GPR176: variants seen among roughly 807,000 people sequenced by gnomAD.
GPR176 encodes G protein-coupled receptor 176.
In GPR176, 26 loss-of-function variants were observed where a neutral mutation model predicts 35.4. The ratio of observed to expected loss-of-function variants is 0.74; its 90% CI spans 0.54 to 1.02. The LOEUF is 1.02. Ranked by LOEUF, GPR176 falls within the 50% of genes least tolerant of loss-of-function variation. The pLI, the probability that GPR176 is intolerant of heterozygous loss-of-function variation, is 0.00. For missense variants in GPR176, 597 were observed against 665.3 expected, an observed-to-expected ratio of 0.90 and a Z score of 1.13; for synonymous variants, 278 against 271.3, an observed-to-expected ratio of 1.02 and a Z score of -0.24.
intron 1 of GPR176, among the ~76,000 whole-genome samples, chr15:39,809,533 TAACA>T (rs1474140304): frequency 8.5e-5 from 13 of 152,206 alleles, no homozygotes; most frequent in African/African-American, 3.1e-4. Flanking sequence ...TATATTTAAG[TAACA>T]AAATTTTCAA....
At chr15:39,822,067 G>T (rs1900310059) in intron 1 of GPR176, among the ~76,000 whole-genome samples, 1 of 152,208 alleles carries the variant, frequency 6.6e-6, no homozygotes, top group Admixed American at 6.5e-5. Flanking sequence ...CTATGAAGAG[G>T]CTCATGTGGT....
intron 1 of GPR176, among the ~76,000 whole-genome samples, chr15:39,867,682 A>G (rs966746870): frequency 2.0e-5 from 3 of 152,160 alleles, no homozygotes; most frequent in South Asian, 2.1e-4. Flanking sequence ...TCTCCCCAAG[A>G]CGTGAGTAAA....
At chr15:39,858,911 T>C (rs2140822632) in intron 1 of GPR176, among the ~76,000 whole-genome samples, 1 of 152,166 alleles carries the variant, frequency 6.6e-6, no homozygotes, top group East Asian at 1.9e-4. Flanking sequence ...CATGACCAGC[T>C]AATTTTTATA....
At chr15:39,909,788 T>C in intron 1 of GPR176, 1 of 281,924 alleles carries the variant, frequency 3.5e-6, no homozygotes, top group Non-Finnish European at 5.4e-6. Flanking sequence ...TTTGAGGTTA[T>C]AACACTCATG....
At chr15:39,850,498 C>G (rs1427447171) in intron 1 of GPR176, among the ~76,000 whole-genome samples, 1 of 152,130 alleles carries the variant, frequency 6.6e-6, no homozygotes, top group Non-Finnish European at 1.5e-5. Context: ...ATATAACATT[C>G]TTGCAAAGAC....
At chr15:39,918,710 T>C (rs2033793186) in intron 1 of GPR176, among the ~76,000 whole-genome samples, 1 of 152,142 alleles carries the variant, frequency 6.6e-6, no homozygotes, top group African/African-American at 2.4e-5. Context: ...TAGTAGTATC[T>C]ACTCCTGAAA....
intron 1 of GPR176, among the ~76,000 whole-genome samples, chr15:39,842,879 G>A (rs2030124800): frequency 1.3e-5 from 2 of 152,068 alleles, no homozygotes; most frequent in South Asian, 4.1e-4. Context: ...CTGGAGGAAG[G>A]AAAGCCAGGC....
chr15:39,809,264 G>A (rs543239475), intron 1 of GPR176, among the ~76,000 whole-genome samples: 7 of 152,008 alleles, frequency 4.6e-5, no homozygotes, highest in East Asian at 1.9e-4. Flanking sequence ...CTCTGCTCTC[G>A]CTCTCTCCTC....
At chr15:39,852,162 A>G (rs61652975) in intron 1 of GPR176, among the ~76,000 whole-genome samples, 4,619 of 152,304 alleles carry the variant, frequency 0.03, 196 homozygotes, top group East Asian at 0.089. Context: ...TTGTAATATT[A>G]TGAGAAACAG....
chr15:39,905,176 G>A (rs2033385480), intron 1 of GPR176, among the ~76,000 whole-genome samples: 1 of 152,188 alleles, frequency 6.6e-6, no homozygotes, highest in Admixed American at 6.5e-5. Context: ...ATTTTGTGGA[G>A]GAGAGAATTC....
At chr15:39,847,299 G>T (rs1016823969) in intron 1 of GPR176, among the ~76,000 whole-genome samples, 5 of 152,034 alleles carry the variant, frequency 3.3e-5, no homozygotes, top group Non-Finnish European at 7.4e-5. Flanking sequence ...AAATGCAAAT[G>T]GTCCAAATAC....
At chr15:39,816,329 T>G (rs1400187675) in intron 1 of GPR176, among the ~76,000 whole-genome samples, 1 of 152,138 alleles carries the variant, frequency 6.6e-6, no homozygotes, top group Non-Finnish European at 1.5e-5. Context: ...TCAATTAGCT[T>G]GATTTAGCCA....
chr15:39,826,039 C>T (rs1308140803), intron 1 of GPR176, among the ~76,000 whole-genome samples: 1 of 152,144 alleles, frequency 6.6e-6, no homozygotes, highest in African/African-American at 2.4e-5. Flanking sequence ...ATCACATTCA[C>T]TGCCGTTATG....
intron 1 of GPR176, among the ~76,000 whole-genome samples, chr15:39,916,913 C>A (rs1045556203): frequency 1.3e-5 from 2 of 152,164 alleles, no homozygotes; most frequent in Non-Finnish European, 2.9e-5. Context: ...TGAGCCTCAA[C>A]AGACATTATC....
At chr15:39,909,652 C>A (rs892009036) in intron 1 of GPR176, among the ~76,000 whole-genome samples, 1 of 152,180 alleles carries the variant, frequency 6.6e-6, no homozygotes, top group African/African-American at 2.4e-5. Flanking sequence ...CTATGTAGTT[C>A]TGGTTCTCAA....
intron 1 of GPR176, among the ~76,000 whole-genome samples, chr15:39,904,377 A>C (rs1386087630): frequency 2.0e-5 from 3 of 152,216 alleles, no homozygotes; most frequent in Non-Finnish European, 1.5e-5. Context: ...GCATCAAGAT[A>C]TAATAGATAT....
chr15:39,821,704 G>C (rs561893147), intron 1 of GPR176, among the ~76,000 whole-genome samples: 1 of 151,872 alleles, frequency 6.6e-6, no homozygotes, highest in African/African-American at 2.4e-5. Context: ...CATATGGATG[G>C]AAGGAACCTG....
At chr15:39,832,489 G>A (rs142089284) in intron 1 of GPR176, among the ~76,000 whole-genome samples, 1 of 152,012 alleles carries the variant, frequency 6.6e-6, no homozygotes, top group Non-Finnish European at 1.5e-5. Flanking sequence ...GTCTCAGCAG[G>A]TCTATGTTCC....
chr15:39,872,160 T>C (rs1566957952), intron 1 of GPR176, among the ~76,000 whole-genome samples: 1 of 151,394 alleles, frequency 6.6e-6, no homozygotes, highest in Non-Finnish European at 1.5e-5. Context: ...TAAAACTCTT[T>C]TAAGGCAAGA....
Sources: gnomAD v4.1 joint callset for allele counts (sites outside exome capture counted in the v4.1 genomes callset) on GRCh38, gnomAD v4.1.1 for gene constraint, MANE v1.5 for transcripts, NCBI Gene and HGNC (gene_info 2026-07-23, HGNC 2026-07-21) for gene names.